Variants in PPP1R1C observed in about 807,000 individuals in gnomAD.
PPP1R1C encodes the protein protein phosphatase 1 regulatory subunit 1C.
Under a neutral mutation model 17.4 loss-of-function variants are expected in PPP1R1C, and 15 were observed. That is an observed-to-expected ratio of 0.86 (90% confidence interval 0.58 to 1.33). The LOEUF (loss-of-function observed/expected upper bound fraction) is 1.33. Ranked by LOEUF, PPP1R1C falls within the 40% of genes most tolerant of loss-of-function variation. The probability of loss-of-function intolerance (pLI) is 0.00; values close to 1 mark genes in which losing one functional copy is unlikely to be tolerated. For synonymous variants in PPP1R1C, 35 were observed against 43.1 expected (o/e 0.81, Z 0.73); for missense variants, 143 against 130.0 (o/e 1.10, Z -0.48).
At chr2:182,107,999 G>T (rs186784191) in intron 4 of PPP1R1C, among the ~76,000 whole-genome samples, 1 of 151,820 alleles carries the variant, frequency 6.6e-6, no homozygotes, top group African/African-American at 2.4e-5. Flanking sequence ...AAATTCTTCC[G>T]TCTGTTTTCT....
Position 181,957,396 on chromosome 2 carries a change from A to AT in PPP1R1C, n.111+2762_111+2763insT, listed in dbSNP as rs1234050812. On this transcript the variant is annotated intron_variant and non_coding_transcript_variant, in intron 1 of 5. Transcript: ENST00000464264. This position sits in a 1 kb window ranked among gnomAD's most constrained non-coding sequence, Gnocchi z 4.2. ...AAAATTGTGCTAACTCTTATCAAGC[A>AT]AGCCCTTGAAATTCCACTCAATTCA... 2.0e-5 allele frequency among the ~76,000 whole-genome samples: 3 copies of AT among 152,238 alleles called. No individual in the cohort carries two copies. Among genetic ancestry groups the AT allele is most frequent in the African/African-American group, 7.2e-5 (3 of 41,540 alleles).
chr2:182,105,895 G>T (rs930230906), intron 4 of PPP1R1C, among the ~76,000 whole-genome samples: 9 of 152,168 alleles, frequency 5.9e-5, no homozygotes, highest in African/African-American at 2.2e-4. Context: ...ACAACTGGGT[G>T]GTTGAAGCAG....
rs977233204 is a variant in PPP1R1C, at chr2:181,957,935, A to T, written n.111+3301A>T. 6.6e-6 allele frequency among the ~76,000 whole-genome samples: 1 copy of T among 152,212 alleles called. No homozygotes were observed. The highest frequency in any genetic ancestry group is 1.5e-5 in the Non-Finnish European group (1 of 68,042). ...GAGTGTGTACTCATTTAATTAATGG[A>T]AGGCTTCGAAGGCTTAATTCCTAAG... On this transcript the variant is annotated intron_variant and non_coding_transcript_variant, in intron 1 of 5. Transcript: ENST00000464264. This position sits in a 1 kb window ranked among gnomAD's most constrained non-coding sequence, Gnocchi z 4.2.
chr2:182,070,889 G>A (rs1009223571), intron 4 of PPP1R1C, among the ~76,000 whole-genome samples: 2 of 152,136 alleles, frequency 1.3e-5, no homozygotes. Context: ...AGGAGGAAGA[G>A]AGGGAGGAGG....
At chr2:182,024,022 A>T (rs1186497772) in intron 2 of PPP1R1C, 1 of 152,224 alleles carries the variant, frequency 6.6e-6, no homozygotes, top group African/African-American at 2.4e-5. Context: ...AGAATATGGT[A>T]GGAGCAATAT....
At chr2:182,052,986 G>A (rs1248824427) in intron 2 of PPP1R1C, among the ~76,000 whole-genome samples, 2 of 152,146 alleles carry the variant, frequency 1.3e-5, no homozygotes, top group East Asian at 3.9e-4. Context: ...CTGTTTCTTG[G>A]TACTCACCAA....
chr2:181,989,128 A>G (rs16867517), intron 2 of PPP1R1C, among the ~76,000 whole-genome samples: 14,972 of 152,178 alleles, frequency 0.098, 854 homozygotes, highest in African/African-American at 0.15. Flanking sequence ...CATGGTAGCA[A>G]ACATTTCTGT....
chr2:182,019,135 C>A (rs1296112365), intron 2 of PPP1R1C, among the ~76,000 whole-genome samples: 1 of 151,996 alleles, frequency 6.6e-6, no homozygotes, highest in African/African-American at 2.4e-5. Flanking sequence ...AAAAATAAGA[C>A]CAAATGTAGA....
intron 2 of PPP1R1C, among the ~76,000 whole-genome samples, chr2:182,048,542 T>C (rs1229164962): frequency 1.3e-5 from 2 of 152,366 alleles, no homozygotes; most frequent in East Asian, 3.9e-4. Flanking sequence ...ATTGATTTTA[T>C]GCTAGAATGC....
intron 2 of PPP1R1C, among the ~76,000 whole-genome samples, chr2:181,998,068 T>C (rs1685663762): frequency 6.6e-6 from 1 of 152,228 alleles, no homozygotes; most frequent in Admixed American, 6.5e-5. Context: ...AAACTAGTTT[T>C]CTTTGACTTT....
intron 1 of PPP1R1C, among the ~76,000 whole-genome samples, chr2:181,960,108 T>C (rs1463920205): frequency 6.6e-6 from 1 of 152,220 alleles, no homozygotes; most frequent in African/African-American, 2.4e-5. Flanking sequence ...CCTCGATCCT[T>C]ATCAGCTAAC....
At chr2:181,986,318 A>G in intron 1 of PPP1R1C, 127 bp downstream of exon 1, 1 of 742,334 alleles carries the variant, frequency 1.3e-6, no homozygotes, top group East Asian at 2.5e-5. Flanking sequence ...AATGTAAACA[A>G]GAAATAAGTT....
chr2:182,089,918 A>G (rs1455734775), intron 4 of PPP1R1C, among the ~76,000 whole-genome samples: 1 of 152,074 alleles, frequency 6.6e-6, no homozygotes, highest in African/African-American at 2.4e-5. Flanking sequence ...TAAATATTTT[A>G]CAGCAATTTT....
chr2:182,083,303 G>A (rs750808249), intron 4 of PPP1R1C, among the ~76,000 whole-genome samples: 5 of 151,928 alleles, frequency 3.3e-5, no homozygotes, highest in African/African-American at 7.3e-5. Context: ...TTGGTTACAC[G>A]GATGAATTGT....
At chr2:182,025,979 A>T (rs1264989491) in intron 2 of PPP1R1C, among the ~76,000 whole-genome samples, 3 of 139,524 alleles carry the variant, frequency 2.2e-5, no homozygotes. Context: ...GCATTTTTTC[A>T]TGTGTTTTTT....
At chr2:182,004,637 A>G (rs1164283978) in intron 2 of PPP1R1C, among the ~76,000 whole-genome samples, 1 of 152,166 alleles carries the variant, frequency 6.6e-6, no homozygotes, top group Non-Finnish European at 1.5e-5. Flanking sequence ...GAGGGTGGAG[A>G]TTTGGCAGGT....
At chr2:181,998,155 G>A (rs1685666552) in intron 2 of PPP1R1C, among the ~76,000 whole-genome samples, 1 of 152,168 alleles carries the variant, frequency 6.6e-6, no homozygotes, top group South Asian at 2.1e-4. Flanking sequence ...TTCGTGGCAT[G>A]AGTAAATGTC....
rs114564412 is a variant in PPP1R1C at position 182,039,994 on chromosome 2, T to C, written c.143-21448T>C. 1.9e-3 allele frequency among the ~76,000 whole-genome samples: 288 copies of C among 152,366 alleles called. No individual in the cohort carries two copies. In the Middle Eastern group the frequency reaches 0.027, roughly 14 times the overall value. On this transcript the variant is annotated intron_variant, in intron 2 of 4. Coordinates refer to ENST00000682840, the MANE Select transcript of PPP1R1C (RefSeq NM_001080545.3). ...TGCAAAAGACATTATTTCATTCTTT[T>C]TATAGCTGAGTAGTATTCCATGGTG...
At chr2:181,978,710 C>T (rs1019046816) in intron 2 of PPP1R1C, among the ~76,000 whole-genome samples, 1 of 152,062 alleles carries the variant, frequency 6.6e-6, no homozygotes, top group Non-Finnish European at 1.5e-5. Context: ...AGTCAGGAAG[C>T]ATCACCTTCT....
Sources: allele counts gnomAD v4.1 joint callset (sites outside exome capture counted in the v4.1 genomes callset), GRCh38; gene constraint gnomAD v4.1.1; non-coding constraint Gnocchi (gnomAD v3.1); transcripts MANE v1.5; gene names NCBI Gene and HGNC (gene_info 2026-07-23, HGNC 2026-07-21).